The following PHC3 variants were observed in gnomAD, a reference collection of about 807,000 sequenced individuals.
The protein encoded by PHC3 is polyhomeotic-like protein 3.
A neutral mutation model predicts 107.4 loss-of-function variants in PHC3; 13 were observed. The ratio of observed to expected loss-of-function variants is 0.12; its 90% CI spans 0.08 to 0.19. The LOEUF is 0.19. Ranked by LOEUF, PHC3 falls within the 10% of genes least tolerant of loss-of-function variation. PHC3 has a pLI of 1.00. For missense variants in PHC3, 992 were observed against 1,210.9 expected (o/e 0.82, Z 2.68); for synonymous variants, 456 against 427.4 (o/e 1.07, Z -0.83).
chr3:170,143,233 T>C (rs1172724594), intron 6 of PHC3, among the ~76,000 whole-genome samples: 1 of 152,120 alleles, frequency 6.6e-6, no homozygotes, highest in Admixed American at 6.6e-5. Flanking sequence ...GATCATTACT[T>C]CAACATATTC....
At chr3:170,177,428 G>A (rs541184824) in intron 2 of PHC3, among the ~76,000 whole-genome samples, 16 of 152,126 alleles carry the variant, frequency 1.1e-4, no homozygotes, top group Admixed American at 9.2e-4. Context: ...GTGCAGTGGC[G>A]CTATCTTGGC....
chr3:170,153,506 G>A (rs1240263601), intron 4 of PHC3, among the ~76,000 whole-genome samples: 1 of 152,146 alleles, frequency 6.6e-6, no homozygotes, highest in Non-Finnish European at 1.5e-5. Context: ...GCTCACGCCT[G>A]TAATCCCAGC....
intron 6 of PHC3, among the ~76,000 whole-genome samples, chr3:170,144,361 A>G (rs1577143390): frequency 6.6e-6 from 1 of 151,466 alleles, no homozygotes; most frequent in Non-Finnish European, 1.5e-5. Flanking sequence ...AAAAAAGTAT[A>G]TATCAAAATT....
chr3:170,136,723 C>A, intron 6 of PHC3, 58 bp from the exon 7 acceptor site: 2 of 1,538,180 alleles, frequency 1.3e-6, no homozygotes, highest in South Asian at 2.3e-5. Flanking sequence ...TTGATGTGGT[C>A]ATCATTACCA....
At chr3:170,106,495 T>C (rs1426842932) in intron 12 of PHC3, among the ~76,000 whole-genome samples, 3 of 152,160 alleles carry the variant, frequency 2.0e-5, no homozygotes, top group South Asian at 4.1e-4. Flanking sequence ...TATTATATAA[T>C]CATGATGAAA....
chr3:170,144,129 G>A (rs1199024245), intron 6 of PHC3, among the ~76,000 whole-genome samples: 5 of 149,750 alleles, frequency 3.3e-5, no homozygotes, highest in Admixed American at 3.3e-4. Flanking sequence ...AGACCAGCCT[G>A]GCTAACATGG....
intron 6 of PHC3, among the ~76,000 whole-genome samples, chr3:170,142,082 T>C (rs146337391): frequency 0.012 from 1,858 of 152,278 alleles, 40 homozygotes; most frequent in African/African-American, 0.042. Context: ...CTTATAACAA[T>C]GCTGAGCTGC....
At chr3:170,181,680 C>T in intron 1 of PHC3, 22 bp downstream of exon 1, 1 of 1,613,458 alleles carries the variant, frequency 6.2e-7, no homozygotes, top group Non-Finnish European at 8.5e-7. Flanking sequence ...GTTACGACAT[C>T]AGTCACCATC....
At chr3:170,172,429 T>A in intron 3 of PHC3, 128 bp downstream of exon 3, 1 of 992,292 alleles carries the variant, frequency 1.0e-6, no homozygotes, top group Non-Finnish European at 1.5e-6. Flanking sequence ...CCTATTAATA[T>A]ATTTCCTCCG....
chr3:170,119,344 T>C (rs1339624329), intron 9 of PHC3, among the ~76,000 whole-genome samples: 3 of 152,196 alleles, frequency 2.0e-5, no homozygotes, highest in African/African-American at 7.2e-5. Flanking sequence ...AGAGATACTT[T>C]ACTTTTAAAA....
At chr3:170,180,144 C>A (rs1404989877) in intron 1 of PHC3, among the ~76,000 whole-genome samples, 5 of 144,564 alleles carry the variant, frequency 3.5e-5, no homozygotes, top group African/African-American at 1.3e-4. Flanking sequence ...AAAAAAAAAC[C>A]GAACAAAAAA....
At chr3:170,167,154 A>T (rs1728867054) in intron 4 of PHC3, among the ~76,000 whole-genome samples, 1 of 151,918 alleles carries the variant, frequency 6.6e-6, no homozygotes, top group African/African-American at 2.4e-5. Context: ...TTGTGCATAT[A>T]TTTCTATTTT....
intron 4 of PHC3, among the ~76,000 whole-genome samples, chr3:170,169,295 G>A (rs1444940262): frequency 6.6e-6 from 1 of 152,096 alleles, no homozygotes; most frequent in Non-Finnish European, 1.5e-5. Flanking sequence ...CGGCTTCACT[G>A]TTATCTGGAA....
Position 170,096,192 on chromosome 3 carries a change from TTTTTC to T in PHC3, c.*1033_*1037del, listed in dbSNP as rs942573743. 6.6e-6 allele frequency: 1 copy of T among 152,102 alleles called. No homozygotes were observed. Among genetic ancestry groups the T allele is most frequent in the African/African-American group, 2.4e-5 (1 of 41,412 alleles). The allele number at this position is 152,102 out of a possible 1,614,324, so 9.4% of individuals were successfully genotyped here. On this transcript the variant is annotated 3_prime_UTR_variant, in exon 15 of 15. Transcript: ENST00000495893. ...ATTTTATAGGACAATTTGTAGATTT[TTTTTC>T]TTTTTCTAGTATGATTAAACTAGAA...
intron 3 of PHC3, among the ~76,000 whole-genome samples, chr3:170,172,070 A>G (rs1041408520): frequency 6.6e-6 from 1 of 152,208 alleles, no homozygotes; most frequent in African/African-American, 2.4e-5. Context: ...ATCTTTGTAT[A>G]AAAAATTTCT....
intron 4 of PHC3, chr3:170,170,652 A>G (rs1466486606): frequency 6.6e-6 from 1 of 152,162 alleles, no homozygotes; most frequent in Non-Finnish European, 1.5e-5. Flanking sequence ...GACTCAGAAA[A>G]AAATATGTAT....
chr3:170,167,081 T>C lies in PHC3; in HGVS notation c.414+4292A>G, dbSNP rs529346397. Among the ~76,000 whole-genome samples the C allele has an allele frequency of 7.2e-5, 11 of 152,282 alleles. 1 individual carries two copies. Among genetic ancestry groups the C allele is most frequent in the South Asian group, 6.2e-4 (3 of 4,828 alleles). Reference sequence around the variant, plus strand: ...TTTTCACATTCTTGCCAACAACAGGTATTGTGTAAACGTTTTTCCTTGTTT... The same window carrying C: ...TTTTCACATTCTTGCCAACAACAGGCATTGTGTAAACGTTTTTCCTTGTTT... On this transcript the variant is annotated intron_variant, in intron 4 of 14. Coordinates refer to ENST00000495893, the MANE Select transcript of PHC3 (RefSeq NM_024947.4).
rs1031873818 is a variant in PHC3, at chr3:170,129,034, G to A, written c.1438C>T (p.Pro480Ser). The stretch of plus-strand genomic sequence containing the variant: ...GATACCAAGGCAGACTGCTGAACTG[G>A]GCCAATGTGTACAACAGGGGAAGCT... ...LPASPVVHIG[P>S]VQQSALVSPG... Residue 480 changes from proline (P) to serine (S), a missense_variant, in exon 8 of 15, where the codon CCA becomes TCA. Coordinates refer to ENST00000495893, the MANE Select transcript of PHC3 (RefSeq NM_024947.4). The A allele has an allele frequency of 5.0e-6, 8 of 1,612,788 alleles. No homozygotes were observed. The highest frequency in any genetic ancestry group is 6.8e-6 in the Non-Finnish European group (8 of 1,179,360).
chr3:170,119,280 T>G (rs1030330524), intron 9 of PHC3, among the ~76,000 whole-genome samples: 1 of 152,072 alleles, frequency 6.6e-6, no homozygotes, highest in African/African-American at 2.4e-5. Context: ...AATAAATCTA[T>G]GGAGAACTGA....
Sources: allele counts gnomAD v4.1 joint callset (sites outside exome capture counted in the v4.1 genomes callset), GRCh38; gene constraint gnomAD v4.1.1; transcripts MANE v1.5; gene names NCBI Gene and HGNC (gene_info 2026-07-23, HGNC 2026-07-21).